Variants in BDNF observed in about 807,000 individuals in gnomAD.
The protein encoded by BDNF is neurotrophic factor BDNF precursor form.
A neutral mutation model predicts 19.5 loss-of-function variants in BDNF; 1 was observed. The observed-to-expected ratio is 0.05, with a 90% CI of 0.02 to 0.24. The LOEUF (loss-of-function observed/expected upper bound fraction) is 0.24, where lower values mean the gene tolerates loss of function less well. Among genes scored for constraint, BDNF ranks in the 10% least tolerant of loss-of-function variants. The pLI, the probability that BDNF is intolerant of heterozygous loss-of-function variation, is 1.00. For missense variants in BDNF, 195 were observed against 317.6 expected, an observed-to-expected ratio of 0.61 and a Z score of 2.93; for synonymous variants, 100 against 121.6, an observed-to-expected ratio of 0.82 and a Z score of 1.17.
At chr11:27,660,310 A>G (rs1348798815) in intron 1 of BDNF, 9 of 966,916 alleles carry the variant, frequency 9.3e-6, no homozygotes, top group Admixed American at 2.6e-5. Flanking sequence ...ATTTACTCTC[A>G]CTTTGCACGA....
chr11:27,713,602 T>C (rs1182131759), intron 1 of BDNF, among the ~76,000 whole-genome samples: 2 of 152,218 alleles, frequency 1.3e-5, no homozygotes, highest in Admixed American at 6.5e-5. Flanking sequence ...CTTTTGGTAC[T>C]GATGAGCATG....
At chr11:27,701,242 C>T (rs1590469419), upstream of BDNF, 4 of 1,151,946 alleles carry the variant, frequency 3.5e-6, no homozygotes, top group East Asian at 1.9e-4. Context: ...AAGCCACACG[C>T]TTTCTAGCCG....
At chr11:27,693,642 C>T (rs1032137953) in intron 1 of BDNF, among the ~76,000 whole-genome samples, 1 of 152,182 alleles carries the variant, frequency 6.6e-6, no homozygotes. Flanking sequence ...CCAAGCATCT[C>T]TCTCCAGCAA....
Position 27,667,529 on chromosome 11 carries a change from T to C in BDNF, c.-21-8944A>G, listed in dbSNP as rs1854567440. ...TGCTGTATTCAGCAGACCCATCTCA[T>C]GTGCAGAGACGCACATAGGCTCAAA... On this transcript the variant is annotated intron_variant, in intron 1 of 1. Coordinates refer to ENST00000356660, the MANE Select transcript of BDNF (RefSeq NM_001709.5). Among the ~76,000 whole-genome samples the C allele has an allele frequency of 2.0e-5, 3 of 152,152 alleles. No homozygotes were observed. The South Asian group carries it at 6.2e-4, about 32-fold the overall frequency.
intron 1 of BDNF, among the ~76,000 whole-genome samples, chr11:27,709,327 T>G (rs938560181): frequency 1.2e-4 from 18 of 152,196 alleles, no homozygotes; most frequent in African/African-American, 4.1e-4. Context: ...ACTTGAAGTT[T>G]CAAGTTTTAG....
chr11:27,700,455 C>A lies in BDNF; in HGVS notation c.-313G>T, dbSNP rs1261384801. 2.9e-5 allele frequency: 29 copies of A among 983,506 alleles called. No individual in the cohort carries two copies. Among genetic ancestry groups the A allele is most frequent in the Non-Finnish European group, 2.9e-5 (24 of 829,226 alleles). 60.9% of individuals were successfully genotyped at this position (983,506 alleles called of 1,614,324 possible). A position where few individuals can be genotyped will look rare whatever the true frequency, so the allele number is the denominator to read the frequency against. On this transcript the variant is annotated 5_prime_UTR_variant, in exon 1 of 2. Transcript: ENST00000356660. Reference sequence around the variant, plus strand: ...GTCGGGGACCCGGAGCTCCAGGCTGCGCCTTGCGCCCGGGTCAGACATTAT... The same window carrying A: ...GTCGGGGACCCGGAGCTCCAGGCTGAGCCTTGCGCCCGGGTCAGACATTAT...
At chr11:27,701,582 G>C (rs1859897426), upstream of BDNF, 1 of 986,762 alleles carries the variant, frequency 1.0e-6, no homozygotes, top group Non-Finnish European at 1.2e-6. Flanking sequence ...CTAGTTCGCC[G>C]GGGGGAGCGG....
chr11:27,714,088 A>G (rs1257815086), intron 1 of BDNF, among the ~76,000 whole-genome samples: 3 of 152,350 alleles, frequency 2.0e-5, no homozygotes, highest in Admixed American at 6.5e-5. Context: ...TCAAAGGGCA[A>G]TCATGTCTAG....
upstream of BDNF, among the ~76,000 whole-genome samples, chr11:27,704,988 A>T (rs1437909913): frequency 1.3e-5 from 2 of 152,214 alleles, no homozygotes; most frequent in Non-Finnish European, 2.9e-5. Context: ...CAAGACTAGG[A>T]GAGTAGAACA....
At chr11:27,675,127 T>C (rs993201112) in intron 1 of BDNF, among the ~76,000 whole-genome samples, 5 of 152,146 alleles carry the variant, frequency 3.3e-5, no homozygotes, top group Non-Finnish European at 7.4e-5. Flanking sequence ...TGTCTTATAA[T>C]GTGAGGGAGG....
intron 1 of BDNF, among the ~76,000 whole-genome samples, chr11:27,667,875 A>G (rs1331721588): frequency 6.6e-6 from 1 of 152,210 alleles, no homozygotes; most frequent in Non-Finnish European, 1.5e-5. Flanking sequence ...GAAAATTAAC[A>G]AAGATATCCA....
intron 1 of BDNF, chr11:27,674,430 C>G (rs1855823671): frequency 6.9e-7 from 1 of 1,440,696 alleles, no homozygotes; most frequent in Non-Finnish European, 9.1e-7. Context: ...CTGCTCTACC[C>G]CAGCTCCCAG....
intron 1 of BDNF, among the ~76,000 whole-genome samples, chr11:27,668,824 T>C (rs1181068716): frequency 6.6e-6 from 1 of 152,206 alleles, no homozygotes; most frequent in African/African-American, 2.4e-5. Context: ...AGCTGAATTC[T>C]ACCAGAGGTA....
intron 1 of BDNF, among the ~76,000 whole-genome samples, chr11:27,678,147 C>A (rs1186909504): frequency 6.6e-6 from 1 of 152,150 alleles, no homozygotes; most frequent in African/African-American, 2.4e-5. Context: ...TGATCAAATT[C>A]AAAAACCCTG....
intron 1 of BDNF, among the ~76,000 whole-genome samples, chr11:27,716,166 C>A (rs1185212211): frequency 3.3e-5 from 5 of 152,062 alleles, no homozygotes; most frequent in Non-Finnish European, 7.4e-5. Context: ...GCTCTACATT[C>A]CAAAGTAAAA....
At chr11:27,721,391 G>T in intron 1 of BDNF, 1 of 1,613,812 alleles carries the variant, frequency 6.2e-7, no homozygotes, top group Non-Finnish European at 8.5e-7. Context: ...CAATTATAAT[G>T]CAGGTTTTAT....
At chr11:27,692,196 A>C (rs1428576544) in intron 1 of BDNF, among the ~76,000 whole-genome samples, 1 of 152,238 alleles carries the variant, frequency 6.6e-6, no homozygotes, top group Non-Finnish European at 1.5e-5. Context: ...AGGATTGTTT[A>C]TGGACTATAA....
chr11:27,695,572 T>TA (rs1235121202), intron 1 of BDNF, among the ~76,000 whole-genome samples: 2 of 152,148 alleles, frequency 1.3e-5, no homozygotes, highest in Non-Finnish European at 2.9e-5. Flanking sequence ...ATCAGGACAT[T>TA]ACTACCATGA....
At chr11:27,682,916 A>G (rs572425057) in intron 1 of BDNF, among the ~76,000 whole-genome samples, 50 of 152,340 alleles carry the variant, frequency 3.3e-4, no homozygotes, top group Admixed American at 3.3e-3. Flanking sequence ...TCCTTTGAGT[A>G]TATACCCAGT....
Sources: gnomAD v4.1 joint callset for allele counts (sites outside exome capture counted in the v4.1 genomes callset) on GRCh38, gnomAD v4.1.1 for gene constraint, MANE v1.5 for transcripts, NCBI Gene and HGNC (gene_info 2026-07-23, HGNC 2026-07-21) for gene names.